The following TMIGD3 variants were observed in gnomAD, a reference collection of about 807,000 sequenced individuals.
TMIGD3 encodes transmembrane and immunoglobulin domain containing 3, also known as AD026 protein (AD026).
In TMIGD3, 21 loss-of-function variants were observed where a neutral mutation model predicts 28.1. That is an observed-to-expected ratio of 0.75 (90% confidence interval 0.53 to 1.08). The LOEUF (loss-of-function observed/expected upper bound fraction) is 1.08, where lower values mean the gene tolerates loss of function less well. TMIGD3 is among the 50% of genes least tolerant of loss of function. The pLI is 0.00. For missense variants in TMIGD3, 416 were observed against 435.6 expected, an observed-to-expected ratio of 0.96 and a Z score of 0.40; for synonymous variants, 151 against 162.1, an observed-to-expected ratio of 0.93 and a Z score of 0.52.
chr1:111,545,957 C>T (rs186811570), intron 1 of TMIGD3, among the ~76,000 whole-genome samples: 10 of 152,234 alleles, frequency 6.6e-5, no homozygotes, highest in African/African-American at 1.9e-4. Flanking sequence ...TCTGAACTTT[C>T]GGTTTAATTC....
At chr1:111,511,138 C>T (rs958897542) in intron 1 of TMIGD3, among the ~76,000 whole-genome samples, 21 of 152,236 alleles carry the variant, frequency 1.4e-4, no homozygotes, top group South Asian at 2.1e-4. Context: ...TTCCTCTACA[C>T]GCCCACATCG....
At chr1:111,484,459 A>C (rs996747536) in intron 5 of TMIGD3, among the ~76,000 whole-genome samples, 100 of 152,360 alleles carry the variant, frequency 6.6e-4, no homozygotes, top group African/African-American at 2.3e-3. Flanking sequence ...GCAAAAACCT[A>C]GACTACAATT....
chr1:111,497,981 G>C (rs959518020), intron 1 of TMIGD3, among the ~76,000 whole-genome samples: 15 of 152,172 alleles, frequency 9.9e-5, no homozygotes, highest in African/African-American at 3.6e-4. Context: ...GTTCCAAGGT[G>C]AACAGTGTGC....
Position 111,488,883 on chromosome 1 carries a change from G to T in TMIGD3, c.599C>A (p.Ala200Asp). 6.2e-7 allele frequency: 1 copy of T among 1,614,218 alleles called. No individual in the cohort carries two copies. Among genetic ancestry groups the T allele is most frequent in the South Asian group, 1.1e-5 (1 of 91,080 alleles). The stretch of plus-strand genomic sequence containing the variant: ...ATGATTGGTGCTGTTAGGGGAGAAG[G>T]CGATGATGTTGCAGTAGTCACGGAA... ...GYFRDYCNII[A>D]FSPNSTNHVA... The change falls in exon 3 of 6, where the codon GCC (alanine) becomes GAC (aspartate). Residue 200 changes from alanine to aspartate, a missense_variant. Coordinates refer to ENST00000369716, the MANE Select transcript of TMIGD3 (RefSeq NM_020683.7).
At chr1:111,517,515 A>T (rs1655908620) in intron 1 of TMIGD3, among the ~76,000 whole-genome samples, 1 of 152,350 alleles carries the variant, frequency 6.6e-6, no homozygotes, top group South Asian at 2.1e-4. Flanking sequence ...TGCCCTGAGT[A>T]GAGCATTTCT....
chr1:111,546,984 G>A (rs1471569780), intron 1 of TMIGD3, among the ~76,000 whole-genome samples: 1 of 152,156 alleles, frequency 6.6e-6, no homozygotes, highest in African/African-American at 2.4e-5. Flanking sequence ...ATCCTAAGGA[G>A]TGTAAAGTGG....
chr1:111,498,154 G>A (rs1415313861), intron 1 of TMIGD3, among the ~76,000 whole-genome samples: 1 of 152,192 alleles, frequency 6.6e-6, no homozygotes, highest in Non-Finnish European at 1.5e-5. Flanking sequence ...AGATAAATTT[G>A]GTTATCAGGC....
chr1:111,496,732 C>T (rs1654901334), intron 1 of TMIGD3, among the ~76,000 whole-genome samples: 1 of 152,148 alleles, frequency 6.6e-6, no homozygotes, highest in Non-Finnish European at 1.5e-5. Flanking sequence ...TGCTTAAGTT[C>T]GTGTTTTTAT....
At chr1:111,545,786 T>C (rs912518292) in intron 1 of TMIGD3, among the ~76,000 whole-genome samples, 1 of 152,156 alleles carries the variant, frequency 6.6e-6, no homozygotes, top group Non-Finnish European at 1.5e-5. Flanking sequence ...CGATTTTTAC[T>C]TAATTTTTGT....
intron 1 of TMIGD3, among the ~76,000 whole-genome samples, chr1:111,530,696 G>T (rs1455518146): frequency 1.3e-5 from 2 of 151,982 alleles, no homozygotes; most frequent in African/African-American, 4.8e-5. Context: ...TGTTATCATT[G>T]TTCCTCTATA....
At chr1:111,563,298 A>C (rs917007123) in intron 1 of TMIGD3, among the ~76,000 whole-genome samples, 1 of 152,132 alleles carries the variant, frequency 6.6e-6, no homozygotes, top group Non-Finnish European at 1.5e-5. Context: ...ATAAATAAAT[A>C]AATAAACCCA....
rs576564192 is a variant in TMIGD3, at chr1:111,537,101, T to C, written c.107+26745A>G. Among the ~76,000 whole-genome samples, 206 of 152,362 alleles carry C rather than the reference T, an allele frequency of 1.4e-3. 1 individual carries two copies. Among genetic ancestry groups the C allele is most frequent in the African/African-American group, 4.7e-3 (197 of 41,588 alleles). ...TCCCACTATTTTCACCTAACTCTTCTTTAACTGGTGAAACTGCACTCATCC... is the reference window on the plus strand; with the variant it reads ...TCCCACTATTTTCACCTAACTCTTCCTTAACTGGTGAAACTGCACTCATCC... On this transcript the variant is annotated intron_variant, in intron 1 of 5. Transcript: ENST00000369717.
intron 1 of TMIGD3, among the ~76,000 whole-genome samples, chr1:111,540,450 T>C (rs897788340): frequency 5.3e-5 from 8 of 152,308 alleles, no homozygotes; most frequent in African/African-American, 1.9e-4. Context: ...AGTATTTAGC[T>C]CCAAGACAAA....
chr1:111,492,645 C>G, intron 1 of TMIGD3, among the ~76,000 whole-genome samples: 1 of 152,042 alleles, frequency 6.6e-6, no homozygotes, highest in East Asian at 1.9e-4. Context: ...GAAACCCCAT[C>G]TCTACTATAA....
At chr1:111,504,900 C>G, upstream of TMIGD3, 1 of 985,302 alleles carries the variant, frequency 1.0e-6, no homozygotes, top group East Asian at 1.1e-4. Flanking sequence ...TCTCCCTGAG[C>G]AGACTCCCCA....
intron 1 of TMIGD3, among the ~76,000 whole-genome samples, chr1:111,557,528 C>T (rs1657549651): frequency 6.6e-6 from 1 of 150,758 alleles, no homozygotes; most frequent in African/African-American, 2.4e-5. Flanking sequence ...CCAGCCTGGG[C>T]AATAGAGTGA....
intron 1 of TMIGD3, among the ~76,000 whole-genome samples, chr1:111,548,472 C>G (rs548990306): frequency 5.9e-5 from 9 of 152,306 alleles, no homozygotes; most frequent in South Asian, 2.1e-4. Flanking sequence ...CCTTTGAAAG[C>G]TCTGCTCTTT....
At chr1:111,559,715 T>C (rs1338463867) in intron 1 of TMIGD3, among the ~76,000 whole-genome samples, 1 of 152,240 alleles carries the variant, frequency 6.6e-6, no homozygotes, top group South Asian at 2.1e-4. Context: ...ACTGCCTTCC[T>C]GGTCTTAGGG....
At chr1:111,531,945 AAAAC>A (rs1338421599) in intron 1 of TMIGD3, among the ~76,000 whole-genome samples, 10 of 152,216 alleles carry the variant, frequency 6.6e-5, no homozygotes, top group African/African-American at 2.2e-4. Context: ...AAAATAAAGA[AAAAC>A]AAAGGAAAAA....
Sources: allele counts gnomAD v4.1 joint callset (sites outside exome capture counted in the v4.1 genomes callset), GRCh38; gene constraint gnomAD v4.1.1; transcripts MANE v1.5; gene names NCBI Gene and HGNC (gene_info 2026-07-23, HGNC 2026-07-21).